The following VTCN1 variants were observed in gnomAD, a reference collection of about 807,000 sequenced individuals.
VTCN1 encodes V-set domain-containing T-cell activation inhibitor 1.
VTCN1 carries 26 observed loss-of-function variants against 26.5 expected under a neutral mutation model. That is an observed-to-expected ratio of 0.98 (90% confidence interval 0.72 to 1.36). The LOEUF is 1.36. VTCN1 is among the 40% of genes most tolerant of loss of function. The pLI is 0.00. For synonymous variants in VTCN1, 116 were observed against 130.7 expected (o/e 0.89, Z 0.77); for missense variants, 298 against 337.7 (o/e 0.88, Z 0.92).
intron 4 of VTCN1, among the ~76,000 whole-genome samples, chr1:117,152,453 G>C (rs185915597): frequency 1.3e-5 from 2 of 152,142 alleles, no homozygotes. Flanking sequence ...CTTGATACTA[G>C]CTCAACCTAA....
intron 2 of VTCN1, among the ~76,000 whole-genome samples, chr1:117,160,948 T>C (rs1014251246): frequency 7.9e-5 from 12 of 152,084 alleles, no homozygotes; most frequent in African/African-American, 2.7e-4. Flanking sequence ...AGAAAAATTA[T>C]AGCTAGAAAA....
chr1:117,167,090 C>CAA lies in VTCN1; in HGVS notation c.97+3015_97+3016dup, dbSNP rs61603048. On this transcript the variant is annotated intron_variant, in intron 2 of 5. Transcript: ENST00000369458. This position sits in a 1 kb window ranked among gnomAD's most constrained non-coding sequence, Gnocchi z 4.1. The stretch of plus-strand genomic sequence containing the variant: ...CCTGAGCGACAGAGCAAGACTGTCT[C>CAA]AAAAAAAAAAAAAAGAATATATATG... Among the ~76,000 whole-genome samples the CAA allele has an allele frequency of 3.6e-3, 388 of 107,474 alleles. No homozygotes were observed. The highest frequency in any genetic ancestry group is 0.019 in the Middle Eastern group (3 of 158). The allele number at this position is 107,474 out of a possible 152,430, so 70.5% of individuals were successfully genotyped here.
intron 1 of VTCN1, among the ~76,000 whole-genome samples, chr1:117,174,142 C>T (rs555951442): frequency 6.6e-6 from 1 of 152,190 alleles, no homozygotes; most frequent in African/African-American, 2.4e-5. Context: ...CTTTGCTTTC[C>T]CCTCAATGGT....
chr1:117,205,143 T>TA (rs1377631307), intron 1 of VTCN1, among the ~76,000 whole-genome samples: 2,038 of 44,992 alleles, frequency 0.045, 37 homozygotes, highest in African/African-American at 0.064. Context: ...TATATATATT[T>TA]TTATATATAT....
rs1431921016 is a variant in VTCN1, at chr1:117,161,419, T to G, written c.98-4498A>C. 6.6e-6 allele frequency among the ~76,000 whole-genome samples: 1 copy of G among 152,164 alleles called. No individual in the cohort carries two copies. On this transcript the variant is annotated intron_variant, in intron 2 of 5. Coordinates refer to ENST00000369458, the MANE Select transcript of VTCN1 (RefSeq NM_024626.4). This position sits in a 1 kb window ranked among gnomAD's most constrained non-coding sequence, Gnocchi z 4.3. ...CTCTTTTAATTCACCAAAGGAAAAA[T>G]TAGTAGATTCTCTCTTTACTTTCCT...
At position 117,147,298 on chromosome 1, in the gene VTCN1, TACTC is replaced by T. The variant is rs1428018690; in HGVS notation, c.*45+311_*45+314del. ...AAATAACAGTGGAATCCAGGGTAATTACTCAGGGCTAAATATCTCTTTCTCTTCA... is the reference window on the plus strand; with the variant it reads ...AAATAACAGTGGAATCCAGGGTAATTAGGGCTAAATATCTCTTTCTCTTCA... On this transcript the variant is annotated intron_variant, in intron 5 of 5. Transcript: ENST00000369458. The surrounding 1 kb of genome is among the most constrained non-coding windows in gnomAD (Gnocchi z 4.6). 6.6e-6 allele frequency among the ~76,000 whole-genome samples: 1 copy of T among 152,176 alleles called. No homozygotes were observed. The highest frequency in any genetic ancestry group is 1.5e-5 in the Non-Finnish European group (1 of 68,030).
Position 117,156,752 on chromosome 1 carries a change from C to G in VTCN1, c.267G>C (p.Glu89Asp), listed in dbSNP as rs988630907. 4.3e-6 allele frequency: 7 copies of G among 1,614,078 alleles called. No homozygotes were observed. The African/African-American group carries it at 9.3e-5, about 22-fold the overall frequency. ...TGAACATTTCATCCTGCTCCGACAG[C>G]TCATCTTTGCCTTCTTTGAACTCAT... Reference protein sequence around the residue: ...LVHEFKEGKDELSEQDEMFRG... With the variant: ...LVHEFKEGKDDLSEQDEMFRG... Residue 89 changes from glutamate to aspartate, a missense_variant, in exon 3 of 6, where the codon GAG (glutamate) becomes GAC (aspartate). Glu to Asp is a conservative substitution (Grantham distance 45, BLOSUM62 2). Coordinates refer to ENST00000369458, the MANE Select transcript of VTCN1 (RefSeq NM_024626.4).
chr1:117,190,797 TA>T (rs1363611462), intron 1 of VTCN1, among the ~76,000 whole-genome samples: 1 of 152,196 alleles, frequency 6.6e-6, no homozygotes, highest in Non-Finnish European at 1.5e-5. Flanking sequence ...AACCAATCTA[TA>T]AAGTCTAAAA....
Position 117,175,549 on chromosome 1 carries a change from T to C in VTCN1, c.33-5378A>G, listed in dbSNP as rs543074426. On this transcript the variant is annotated intron_variant, in intron 1 of 5. Transcript: ENST00000369458. This position sits in a 1 kb window ranked among gnomAD's most constrained non-coding sequence, Gnocchi z 4.2. ...GAAAGCCATGCTAAGCTTTTCCCACTGAAGTTCTCATTCTATTCTGCTATT... is the reference window on the plus strand; with the variant it reads ...GAAAGCCATGCTAAGCTTTTCCCACCGAAGTTCTCATTCTATTCTGCTATT... Among the ~76,000 whole-genome samples the C allele has an allele frequency of 4.6e-5, 7 of 152,306 alleles. No individual in the cohort carries two copies. In the South Asian group the frequency reaches 8.3e-4, roughly 18 times the overall value.
chr1:117,210,754 C>T, intron 1 of VTCN1, 70 bp downstream of exon 1: 1 of 1,549,754 alleles, frequency 6.5e-7, no homozygotes. Flanking sequence ...CCCAGCAGTG[C>T]TCAGCATCCC....
intron 1 of VTCN1, among the ~76,000 whole-genome samples, chr1:117,195,761 C>T (rs1380165104): frequency 6.6e-6 from 1 of 152,104 alleles, no homozygotes; most frequent in East Asian, 1.9e-4. Flanking sequence ...TTATGATATG[C>T]ACAGCCAACT....
chr1:117,157,444 G>A (rs1158491958), intron 2 of VTCN1, among the ~76,000 whole-genome samples: 1 of 152,120 alleles, frequency 6.6e-6, no homozygotes, highest in Non-Finnish European at 1.5e-5. Flanking sequence ...TTCTTACATG[G>A]TGGTGGCAAG....
At chr1:117,173,117 A>C in intron 1 of VTCN1, 1 of 711,886 alleles carries the variant, frequency 1.4e-6, no homozygotes, top group Non-Finnish European at 2.6e-6. Context: ...ACCAGAACCC[A>C]CAGGGAGGAG....
At chr1:117,205,634 G>A (rs1459662170) in intron 1 of VTCN1, among the ~76,000 whole-genome samples, 1 of 152,180 alleles carries the variant, frequency 6.6e-6, no homozygotes, top group Non-Finnish European at 1.5e-5. Context: ...CTGAGGAGGT[G>A]TGTTTTTGCC....
At chr1:117,194,059 ACAAT>A (rs1648388348) in intron 1 of VTCN1, among the ~76,000 whole-genome samples, 1 of 152,210 alleles carries the variant, frequency 6.6e-6, no homozygotes, top group South Asian at 2.1e-4. Context: ...AGCGAAGAAA[ACAAT>A]CAACAAAATG....
In VTCN1 at chr1:117,157,092, G is replaced by GATATATAT. The variant is rs145887761; in HGVS notation, c.98-179_98-172dup. ...GAAAGAGCAGGAAGACAATCATTTT[G>GATATATAT]ATATATATATATATATATATATAGC... On this transcript the variant is annotated intron_variant, in intron 2 of 5. Transcript: ENST00000369458. 1.6e-3 allele frequency: 876 copies of GATATATAT among 561,520 alleles called. 34 individuals carry two copies. The African/African-American group carries it at 0.019, about 12-fold the overall frequency. The allele number at this position is 561,520 out of a possible 1,614,324, so 34.8% of individuals were successfully genotyped here.
At chr1:117,182,915 G>A (rs535533276) in intron 1 of VTCN1, among the ~76,000 whole-genome samples, 2 of 152,258 alleles carry the variant, frequency 1.3e-5, no homozygotes, top group East Asian at 3.9e-4. Context: ...CTGAAGCCCA[G>A]GGCCTGACAC....
Position 117,147,668 on chromosome 1 carries a change from A to C in VTCN1, c.839T>G (p.Met280Arg). ...WALLPLSPYL[M>R]LK is the part of the protein sequence containing the mutation. Reference sequence around the variant, plus strand: ...TGTGGCCGAGGCACATTATTTTAGCATCAGGTAAGGGCTGAGAGGCAGAAG... The same window carrying C: ...TGTGGCCGAGGCACATTATTTTAGCCTCAGGTAAGGGCTGAGAGGCAGAAG... The change falls in exon 5 of 6, where the codon ATG becomes AGG. Residue 280 changes from methionine (M) to arginine (R), a missense_variant. Coordinates refer to ENST00000369458, the MANE Select transcript of VTCN1 (RefSeq NM_024626.4). This position sits in a 1 kb window ranked among gnomAD's most constrained non-coding sequence, Gnocchi z 4.6. 6.2e-7 allele frequency: 1 copy of C among 1,613,348 alleles called. No individual in the cohort carries two copies. The highest frequency in any genetic ancestry group is 8.5e-7 in the Non-Finnish European group (1 of 1,179,748).
At chr1:117,152,114 C>G (rs1451617410) in intron 4 of VTCN1, among the ~76,000 whole-genome samples, 1 of 152,086 alleles carries the variant, frequency 6.6e-6, no homozygotes, top group Non-Finnish European at 1.5e-5. Context: ...ATTGAAACCC[C>G]TTAAAATGAT....
Sources: allele counts gnomAD v4.1 joint callset (sites outside exome capture counted in the v4.1 genomes callset), GRCh38; gene constraint gnomAD v4.1.1; non-coding constraint Gnocchi (gnomAD v3.1); transcripts MANE v1.5; gene names NCBI Gene and HGNC (gene_info 2026-07-23, HGNC 2026-07-21).